NOL4: variants seen among roughly 807,000 people sequenced by gnomAD.
NOL4 encodes nucleolar protein 4.
NOL4 carries 17 observed loss-of-function variants against 75.9 expected under a neutral mutation model. The ratio of observed to expected loss-of-function variants is 0.22; its 90% CI spans 0.15 to 0.34. The LOEUF (loss-of-function observed/expected upper bound fraction) is 0.34, where lower values mean the gene tolerates loss of function less well. Ranked by LOEUF, NOL4 falls within the 10% of genes least tolerant of loss-of-function variation. The probability of loss-of-function intolerance (pLI) is 1.00; values close to 1 mark genes in which losing one functional copy is unlikely to be tolerated. For synonymous variants in NOL4, 292 were observed against 289.9 expected, an observed-to-expected ratio of 1.01 and a Z score of -0.07; for missense variants, 614 against 793.5, an observed-to-expected ratio of 0.77 and a Z score of 2.72.
chr18:33,906,737 G>A (rs558935941), intron 9 of NOL4, among the ~76,000 whole-genome samples: 1 of 152,250 alleles, frequency 6.6e-6, no homozygotes, highest in South Asian at 2.1e-4. Flanking sequence ...ATTGAAAAGT[G>A]TTATGTAGAT....
intron 1 of NOL4, among the ~76,000 whole-genome samples, chr18:34,202,273 T>TA (rs1430473204): frequency 6.6e-6 from 1 of 151,914 alleles, no homozygotes; most frequent in East Asian, 1.9e-4. Context: ...GTTAAGGGCT[T>TA]ATGTTTGAAA....
At chr18:33,975,550 G>A (rs1168968404) in intron 6 of NOL4, among the ~76,000 whole-genome samples, 1 of 152,134 alleles carries the variant, frequency 6.6e-6, no homozygotes, top group Non-Finnish European at 1.5e-5. Flanking sequence ...AAGGCGGGCA[G>A]ATCACGAGGT....
chr18:33,938,795 T>C (rs888029563), intron 9 of NOL4, among the ~76,000 whole-genome samples: 1 of 152,212 alleles, frequency 6.6e-6, no homozygotes, highest in Admixed American at 6.5e-5. Context: ...ATGCCATTTG[T>C]CAATTTTGGC....
At chr18:34,193,079 G>C (rs1449675306) in intron 1 of NOL4, among the ~76,000 whole-genome samples, 1 of 151,954 alleles carries the variant, frequency 6.6e-6, no homozygotes, top group African/African-American at 2.4e-5. Context: ...ACACAAAATG[G>C]ACTAAGGCAC....
Position 33,939,504 on chromosome 18 carries a change from G to A in NOL4, c.1542+3561C>T, listed in dbSNP as rs191992944. ...AGGTCCTTCACATCCCTTGTAAGTT[G>A]TATTCCTAGGTATTTTATTGTCTTT... On this transcript the variant is annotated intron_variant, in intron 9 of 10. Coordinates refer to ENST00000261592, the MANE Select transcript of NOL4 (RefSeq NM_003787.5). 3.4e-3 allele frequency among the ~76,000 whole-genome samples: 517 copies of A among 152,158 alleles called. 4 individuals carry two copies. The highest frequency in any genetic ancestry group is 0.012 in the African/African-American group (483 of 41,520).
At chr18:34,222,229 C>G (rs2037368504) in intron 1 of NOL4, 1 of 1,406,398 alleles carries the variant, frequency 7.1e-7, no homozygotes, top group Non-Finnish European at 9.2e-7. Context: ...CTAGAGCCAC[C>G]CCAGAAAAAG....
Position 34,000,087 on chromosome 18 carries a change from A to T in NOL4, c.1056+19231T>A, listed in dbSNP as rs373845913. Reference sequence around the variant, plus strand: ...GTCATTTCTAAAATGGAGGATATTCAATTGTCATTCTGACTGGGAACATAT... The same window carrying T: ...GTCATTTCTAAAATGGAGGATATTCTATTGTCATTCTGACTGGGAACATAT... On this transcript the variant is annotated intron_variant, in intron 6 of 10. Coordinates refer to ENST00000261592, the MANE Select transcript of NOL4 (RefSeq NM_003787.5). 1.2e-4 allele frequency among the ~76,000 whole-genome samples: 18 copies of T among 152,188 alleles called. 1 individual carries two copies. The highest frequency in any genetic ancestry group is 7.7e-4 in the East Asian group (4 of 5,180).
At chr18:33,965,736 G>T (rs139286019) in intron 6 of NOL4, among the ~76,000 whole-genome samples, 247 of 152,178 alleles carry the variant, frequency 1.6e-3, no homozygotes, top group African/African-American at 5.6e-3. Flanking sequence ...ATTTCCACCA[G>T]GATTGTAAGT....
chr18:34,037,294 C>T (rs986584828), intron 5 of NOL4, among the ~76,000 whole-genome samples: 2 of 152,008 alleles, frequency 1.3e-5, no homozygotes, highest in Non-Finnish European at 2.9e-5. Flanking sequence ...AGAAAGATAT[C>T]CCATGCTCAT....
At chr18:34,019,168 T>C (rs1410332467) in intron 6 of NOL4, 150 bp downstream of exon 6, 3 of 652,174 alleles carry the variant, frequency 4.6e-6, no homozygotes, top group Non-Finnish European at 7.8e-6. Context: ...AAACACACAA[T>C]ATGCTTGGTG....
intron 10 of NOL4, among the ~76,000 whole-genome samples, chr18:33,861,594 C>T: frequency 6.6e-6 from 1 of 152,016 alleles, no homozygotes; most frequent in Non-Finnish European, 1.5e-5. Flanking sequence ...AATCAATGTA[C>T]AAAAATCAAA....
At chr18:33,986,152 AAC>A in intron 6 of NOL4, among the ~76,000 whole-genome samples, 1 of 152,276 alleles carries the variant, frequency 6.6e-6, no homozygotes, top group East Asian at 1.9e-4. Context: ...TTATGAGGCA[AAC>A]CATGTTATAT....
intron 1 of NOL4, among the ~76,000 whole-genome samples, chr18:34,217,068 T>C (rs994594444): frequency 8.5e-5 from 13 of 152,164 alleles, no homozygotes; most frequent in Admixed American, 7.2e-4. Context: ...ATGATGTTCA[T>C]AATTAGCTTA....
At position 33,852,112 on chromosome 18, in the gene NOL4, G is replaced by A. The variant is rs1278566311; in HGVS notation, c.*730C>T. ...TGGGGTTTTTGAGATCAGCATGAGA[G>A]CAGAAATGCAGGCTTCTCTTGGAAG... On this transcript the variant is annotated 3_prime_UTR_variant, in exon 11 of 11. Transcript: ENST00000261592. The A allele has an allele frequency of 6.6e-6, 1 of 152,506 alleles. No individual in the cohort carries two copies. The highest frequency in any genetic ancestry group is 1.5e-5 in the Non-Finnish European group (1 of 68,016). The allele number at this position is 152,506 out of a possible 1,614,324, so 9.4% of individuals were successfully genotyped here.
intron 4 of NOL4, among the ~76,000 whole-genome samples, chr18:34,099,453 C>T (rs1280809841): frequency 6.6e-6 from 1 of 151,412 alleles, no homozygotes; most frequent in East Asian, 1.9e-4. Context: ...TTCATGAACT[C>T]TTCCCTAATG....
intron 8 of NOL4, 102 bp downstream of exon 8, chr18:33,957,224 G>GA (rs2069718881): frequency 2.0e-6 from 2 of 990,096 alleles, no homozygotes; most frequent in African/African-American, 1.6e-5. Flanking sequence ...TGACATTATG[G>GA]AAAAAAATAA....
Position 34,049,876 on chromosome 18 carries a change from T to C in NOL4, c.773-30275A>G, listed in dbSNP as rs28441547. 3.0e-3 allele frequency among the ~76,000 whole-genome samples: 452 copies of C among 152,284 alleles called. 2 individuals carry two copies. The highest frequency in any genetic ancestry group is 9.6e-3 in the African/African-American group (399 of 41,578). On this transcript the variant is annotated intron_variant, in intron 5 of 10. Transcript: ENST00000261592. The stretch of plus-strand genomic sequence containing the variant: ...TATGTTAGTCAGATTCAATGCCACA[T>C]TGGCCTTCTAGAAAATCATAGGGCT...
intron 5 of NOL4, among the ~76,000 whole-genome samples, chr18:34,046,607 C>CATATACATAT (rs1555703525): frequency 2.4e-5 from 2 of 81,658 alleles, no homozygotes; most frequent in African/African-American, 9.4e-5. Flanking sequence ...TTTACTTATA[C>CATATACATAT]ATATATATAT....
intron 6 of NOL4, among the ~76,000 whole-genome samples, chr18:33,960,490 A>C (rs895135047): frequency 4.6e-5 from 7 of 152,056 alleles, no homozygotes; most frequent in Admixed American, 4.6e-4. Flanking sequence ...TCCTGCTCCA[A>C]CTCCAAGTAT....
Sources: gnomAD v4.1 joint callset for allele counts (sites outside exome capture counted in the v4.1 genomes callset) on GRCh38, gnomAD v4.1.1 for gene constraint, MANE v1.5 for transcripts, NCBI Gene and HGNC (gene_info 2026-07-23, HGNC 2026-07-21) for gene names.